PUDP: variants seen among roughly 807,000 people sequenced by gnomAD.
The protein encoded by PUDP is pseudouridine-5'-phosphatase.
In PUDP, 8 loss-of-function variants were observed where a neutral mutation model predicts 9.4. That is an observed-to-expected ratio of 0.85 (90% confidence interval 0.50 to 1.53). The LOEUF is 1.53. PUDP is among the 40% of genes most tolerant of loss of function. The pLI, the probability that PUDP is intolerant of heterozygous loss-of-function variation, is 0.00. For missense variants in PUDP, 188 were observed against 189.7 expected (o/e 0.99, Z 0.05); for synonymous variants, 99 against 80.7 (o/e 1.23, Z -1.22).
At chrX:6,713,971 C>T (rs972704321) in intron 1 of PUDP, among the ~76,000 whole-genome samples, 2 of 111,222 alleles carry the variant, frequency 1.8e-5, no homozygotes, top group Non-Finnish European at 3.8e-5. Context: ...TACCTTACTG[C>T]AGTCTCAACC....
At chrX:6,751,443 A>C (rs1925082521) in intron 3 of PUDP, among the ~76,000 whole-genome samples, 2 of 111,626 alleles carry the variant, frequency 1.8e-5, no homozygotes, top group Admixed American at 1.9e-4. Context: ...AAGTTCTCAC[A>C]ATTGCCTCTT....
At chrX:6,926,504 C>T (rs1436546552) in intron 3 of PUDP, among the ~76,000 whole-genome samples, 1 of 112,225 alleles carries the variant, frequency 8.9e-6, no homozygotes, top group East Asian at 2.8e-4. Flanking sequence ...TCTAATGATG[C>T]TAATTCCATG....
intron 3 of PUDP, among the ~76,000 whole-genome samples, chrX:6,752,443 G>A (rs1381809752): frequency 8.9e-6 from 1 of 111,962 alleles, no homozygotes; most frequent in Non-Finnish European, 1.9e-5. Context: ...TCTATGCAAA[G>A]GTGGCCTGAT....
chrX:6,916,083 A>T (rs769639059), intron 3 of PUDP, among the ~76,000 whole-genome samples: 23 of 110,340 alleles, frequency 2.1e-4, no homozygotes, highest in African/African-American at 7.3e-4. Flanking sequence ...TCAAGTCACC[A>T]AACTGGTTAT....
intron 3 of PUDP, among the ~76,000 whole-genome samples, chrX:6,779,214 T>C (rs1925517566): frequency 1.8e-5 from 2 of 111,614 alleles, no homozygotes; most frequent in African/African-American, 6.5e-5. Flanking sequence ...TGCTCCAGAA[T>C]GGCCTTTATT....
intron 3 of PUDP, among the ~76,000 whole-genome samples, chrX:6,801,107 G>A (rs931837013): frequency 4.5e-5 from 5 of 111,650 alleles, no homozygotes; most frequent in Admixed American, 1.9e-4. Flanking sequence ...ATTAAGTACC[G>A]GAGCCTAATT....
intron 3 of PUDP, among the ~76,000 whole-genome samples, chrX:6,958,688 C>T (rs758467183): frequency 3.9e-5 from 4 of 103,401 alleles, no homozygotes; most frequent in Admixed American, 1.1e-4. Flanking sequence ...GCTGAGATCA[C>T]GCCATTGCAC....
At chrX:6,906,970 C>G (rs936931335) in intron 3 of PUDP, among the ~76,000 whole-genome samples, 4 of 111,415 alleles carry the variant, frequency 3.6e-5, no homozygotes, top group Non-Finnish European at 7.5e-5. Context: ...TTTGTTGCTG[C>G]TAAAACTTTC....
chrX:6,823,326 G>C (rs192372704), intron 3 of PUDP, among the ~76,000 whole-genome samples: 5 of 112,199 alleles, frequency 4.5e-5, no homozygotes, highest in African/African-American at 1.6e-4. Context: ...ATTGTGGGGG[G>C]ATATTTGCAT....
chrX:7,109,148 T>C (rs1227599272), intron 1 of PUDP, among the ~76,000 whole-genome samples: 3 of 111,701 alleles, frequency 2.7e-5, no homozygotes, highest in African/African-American at 9.8e-5. Context: ...AACAGCTGAG[T>C]GGTGAAAAGC....
At chrX:6,809,799 G>T (rs1926112434) in intron 3 of PUDP, among the ~76,000 whole-genome samples, 1 of 111,521 alleles carries the variant, frequency 9.0e-6, no homozygotes, top group Non-Finnish European at 1.9e-5. Flanking sequence ...AGGCACAGTT[G>T]CAAAAGAAGA....
At chrX:6,738,807 T>A (rs1924902703) in intron 3 of PUDP, among the ~76,000 whole-genome samples, 1 of 111,869 alleles carries the variant, frequency 8.9e-6, no homozygotes, top group South Asian at 3.9e-4. Context: ...AAGTTGAGAA[T>A]GAGAAAACCT....
rs1398357748 is a variant in PUDP, at chrX:7,039,478, G to A, written c.204+37742C>T. Reference sequence around the variant, plus strand: ...TAAGGAGGAAATTAAAGTAAAATGAGGTCACATGGGTGGGCCCTAATCCAA... The same window carrying A: ...TAAGGAGGAAATTAAAGTAAAATGAAGTCACATGGGTGGGCCCTAATCCAA... On this transcript the variant is annotated intron_variant and NMD_transcript_variant, in intron 1 of 3. Coordinates refer to the PUDP transcript ENST00000655425. Among the ~76,000 whole-genome samples, 8 of 111,673 alleles carry A rather than the reference G, an allele frequency of 7.2e-5. No homozygotes were observed. In the Admixed American group the frequency reaches 7.6e-4, roughly 11 times the overall value.
At chrX:7,006,352 G>C (rs1327930389) in intron 1 of PUDP, among the ~76,000 whole-genome samples, 1 of 111,704 alleles carries the variant, frequency 9.0e-6, no homozygotes, top group African/African-American at 3.3e-5. Flanking sequence ...ATTTTCCGGG[G>C]TTTTTGCTTT....
intron 3 of PUDP, among the ~76,000 whole-genome samples, chrX:6,963,680 A>G (rs1442263295): frequency 8.9e-6 from 1 of 111,969 alleles, no homozygotes; most frequent in African/African-American, 3.2e-5. Flanking sequence ...TGAAACCTCT[A>G]AAGGTGAGAC....
At chrX:7,098,456 A>G (rs1275031519) in intron 2 of PUDP, among the ~76,000 whole-genome samples, 3 of 111,495 alleles carry the variant, frequency 2.7e-5, no homozygotes, top group Non-Finnish European at 3.8e-5. Context: ...CTCCACCTTC[A>G]GGACTTAATC....
intron 1 of PUDP, among the ~76,000 whole-genome samples, chrX:7,118,990 A>T (rs190658180): frequency 3.4e-4 from 38 of 112,359 alleles, no homozygotes; most frequent in Admixed American, 2.8e-3. Flanking sequence ...TGACAAAGAG[A>T]AACCTTGCAA....
rs750149469 is a variant in PUDP, at chrX:7,027,509, T to C, written c.205-49166A>G. Among the ~76,000 whole-genome samples the C allele has an allele frequency of 2.9e-5, 3 of 105,039 alleles. No individual in the cohort carries two copies. In the South Asian group the frequency reaches 1.2e-3, roughly 44 times the overall value. 91.2% of individuals were successfully genotyped at this position (105,039 alleles called of 115,157 possible). A position where few individuals can be genotyped will look rare whatever the true frequency, so the allele number is the denominator to read the frequency against. ...ATGTATATACACATATATGAGAATA[T>C]AGAGAGAATATATATATATTCACAC... On this transcript the variant is annotated intron_variant and NMD_transcript_variant, in intron 1 of 3. Transcript: ENST00000655425.
intron 3 of PUDP, among the ~76,000 whole-genome samples, chrX:6,946,997 G>GT (rs1569128927): frequency 1.7e-5 from 1 of 57,164 alleles, no homozygotes. Flanking sequence ...TTTTCTGTTT[G>GT]TTTGTTTTTT....
Sources: allele counts gnomAD v4.1 joint callset (sites outside exome capture counted in the v4.1 genomes callset), GRCh38; gene constraint gnomAD v4.1.1; transcripts MANE v1.5; gene names NCBI Gene and HGNC (gene_info 2026-07-23, HGNC 2026-07-21).